Variants in MTUS2 observed in about 807,000 individuals in gnomAD.
MTUS2 encodes microtubule-associated tumor suppressor candidate 2.
In MTUS2, 40 loss-of-function variants were observed where a neutral mutation model predicts 114.1. The ratio of observed to expected loss-of-function variants is 0.35; its 90% CI spans 0.27 to 0.46. The LOEUF (loss-of-function observed/expected upper bound fraction) is 0.46. Ranked by LOEUF, MTUS2 falls within the 20% of genes least tolerant of loss-of-function variation. The pLI is 1.00. For synonymous variants in MTUS2, 688 were observed against 672.0 expected, an observed-to-expected ratio of 1.02 and a Z score of -0.37; for missense variants, 1,679 against 1,705.4, an observed-to-expected ratio of 0.98 and a Z score of 0.27.
chr13:28,877,317 CAAA>C (rs59056880), intron 2 of MTUS2, among the ~76,000 whole-genome samples: 3 of 113,548 alleles, frequency 2.6e-5, no homozygotes, highest in Non-Finnish European at 3.8e-5. Context: ...GACTCCATCT[CAAA>C]AAAAAAAAAA....
At chr13:29,110,922 G>A (rs1268444163) in intron 5 of MTUS2, among the ~76,000 whole-genome samples, 1 of 152,142 alleles carries the variant, frequency 6.6e-6, no homozygotes, top group South Asian at 2.1e-4. Flanking sequence ...TGACATATTA[G>A]CATGTATAAT....
intron 5 of MTUS2, among the ~76,000 whole-genome samples, chr13:29,228,912 G>T (rs1027217455): frequency 6.6e-6 from 1 of 151,952 alleles, no homozygotes; most frequent in Non-Finnish European, 1.5e-5. Context: ...ACATAGCTCT[G>T]GGAACAGCTA....
chr13:29,290,496 A>AT (rs1232130011), intron 6 of MTUS2, among the ~76,000 whole-genome samples: 2 of 151,598 alleles, frequency 1.3e-5, no homozygotes, highest in Admixed American at 6.6e-5. Context: ...CGCCTGGCTA[A>AT]TTTTTTTGTA....
At chr13:28,946,123 T>C (rs1393141033) in intron 2 of MTUS2, among the ~76,000 whole-genome samples, 1 of 152,226 alleles carries the variant, frequency 6.6e-6, no homozygotes, top group Non-Finnish European at 1.5e-5. Flanking sequence ...GTATTAGCTA[T>C]AGGAAAAAGT....
intron 9 of MTUS2, among the ~76,000 whole-genome samples, chr13:29,462,096 G>A (rs1048681314): frequency 6.6e-6 from 1 of 152,184 alleles, no homozygotes; most frequent in African/African-American, 2.4e-5. Context: ...CAGATTCCTG[G>A]GTCCCACCTC....
At chr13:28,826,533 A>T (rs1312888290) in intron 1 of MTUS2, among the ~76,000 whole-genome samples, 1 of 152,220 alleles carries the variant, frequency 6.6e-6, no homozygotes, top group Non-Finnish European at 1.5e-5. Flanking sequence ...ATAGAAAAAC[A>T]AAAGAGTGTT....
chr13:29,271,121 C>T (rs193119102), intron 5 of MTUS2, among the ~76,000 whole-genome samples: 69 of 152,292 alleles, frequency 4.5e-4, no homozygotes, highest in African/African-American at 1.5e-3. Context: ...AAAAATAGGA[C>T]TGGAAATAAA....
intron 6 of MTUS2, among the ~76,000 whole-genome samples, chr13:29,318,004 C>T (rs1475226697): frequency 6.6e-6 from 1 of 152,174 alleles, no homozygotes; most frequent in Non-Finnish European, 1.5e-5. Flanking sequence ...TTGCTTTGCT[C>T]CGTCTGCGTC....
intron 2 of MTUS2, among the ~76,000 whole-genome samples, chr13:28,958,307 C>T (rs561169944): frequency 1.8e-4 from 27 of 152,284 alleles, no homozygotes; most frequent in African/African-American, 5.5e-4. Context: ...CCTGTTTTCC[C>T]GCAAGCCTAC....
intron 8 of MTUS2, among the ~76,000 whole-genome samples, chr13:29,427,468 G>A (rs187550312): frequency 3.5e-4 from 53 of 152,256 alleles, no homozygotes; most frequent in Non-Finnish European, 6.8e-4. Context: ...TATTATTATA[G>A]CATAGACGTG....
chr13:29,504,985 T>G lies in MTUS2; in HGVS notation c.*1779T>G, dbSNP rs1389412755. On this transcript the variant is annotated 3_prime_UTR_variant, in exon 16 of 16. Coordinates refer to ENST00000612955, the MANE Select transcript of MTUS2 (RefSeq NM_001033602.4). Reference sequence around the variant, plus strand: ...CCCTAGGATGAGTCCACGCTGGGCTTCCGGGCCTCAGGTGCATCTCCAGCC... The same window carrying G: ...CCCTAGGATGAGTCCACGCTGGGCTGCCGGGCCTCAGGTGCATCTCCAGCC... The G allele has an allele frequency of 4.3e-6, 1 of 232,584 alleles. No individual in the cohort carries two copies. The highest frequency in any genetic ancestry group is 2.2e-5 in the African/African-American group (1 of 45,306). 14.4% of individuals were successfully genotyped at this position (232,584 alleles called of 1,614,324 possible).
intron 4 of MTUS2, among the ~76,000 whole-genome samples, chr13:29,092,176 G>T (rs563537538): frequency 1.4e-4 from 21 of 152,348 alleles, no homozygotes; most frequent in Non-Finnish European, 2.8e-4. Flanking sequence ...CAAGCTACAA[G>T]TCAAACCCAT....
intron 5 of MTUS2, among the ~76,000 whole-genome samples, chr13:29,201,591 C>G (rs556321532): frequency 1.6e-4 from 25 of 152,298 alleles, no homozygotes; most frequent in African/African-American, 6.0e-4. Context: ...GCAGTCTCTT[C>G]ATGGTGTCAG....
At chr13:28,831,002 C>T (rs1046250400) in intron 1 of MTUS2, among the ~76,000 whole-genome samples, 1 of 152,022 alleles carries the variant, frequency 6.6e-6, no homozygotes, top group African/African-American at 2.4e-5. Context: ...GCAGACTGTC[C>T]CTACAAGAAA....
intron 2 of MTUS2, among the ~76,000 whole-genome samples, chr13:28,993,367 A>G (rs1203903883): frequency 6.6e-6 from 1 of 152,266 alleles, no homozygotes; most frequent in East Asian, 1.9e-4. Context: ...ACAATGCACA[A>G]GTGTTTCAGT....
At chr13:28,948,898 G>A (rs1018393456) in intron 2 of MTUS2, among the ~76,000 whole-genome samples, 2 of 152,270 alleles carry the variant, frequency 1.3e-5, no homozygotes, top group Non-Finnish European at 2.9e-5. Flanking sequence ...CTCCCATGTT[G>A]GGTGTCCAGT....
At chr13:28,977,175 T>C (rs1388396404) in intron 2 of MTUS2, among the ~76,000 whole-genome samples, 1 of 152,136 alleles carries the variant, frequency 6.6e-6, no homozygotes, top group Non-Finnish European at 1.5e-5. Context: ...GAGGGGATGA[T>C]GAGTCAGTTG....
chr13:29,048,123 C>T (rs1272832243), intron 4 of MTUS2, among the ~76,000 whole-genome samples: 1 of 152,180 alleles, frequency 6.6e-6, no homozygotes, highest in South Asian at 2.1e-4. Flanking sequence ...ATTTGTGTCA[C>T]TAATCTTTTC....
At chr13:29,286,660 G>GTCTATCTATCTATCTA (rs1162402312) in intron 6 of MTUS2, among the ~76,000 whole-genome samples, 16 of 90,074 alleles carry the variant, frequency 1.8e-4, no homozygotes, top group African/African-American at 6.7e-4. Context: ...CTGTCTGTCT[G>GTCTATCTATCTATCTA]TCTGTCTGTC....
Sources: gnomAD v4.1 joint callset for allele counts (sites outside exome capture counted in the v4.1 genomes callset) on GRCh38, gnomAD v4.1.1 for gene constraint, MANE v1.5 for transcripts, NCBI Gene and HGNC (gene_info 2026-07-23, HGNC 2026-07-21) for gene names.